ZNF658: variants seen among roughly 807,000 people sequenced by gnomAD.
The protein encoded by ZNF658 is zinc finger protein 658.
Under a neutral mutation model 78.0 loss-of-function variants are expected in ZNF658, and 46 were observed. The observed-to-expected ratio is 0.59, with a 90% CI of 0.47 to 0.75. ZNF658 has a LOEUF of 0.75. ZNF658 is among the 30% of genes least tolerant of loss of function. The pLI is 0.00. For missense variants in ZNF658, 785 were observed against 1,189.3 expected, an observed-to-expected ratio of 0.66 and a Z score of 5.00; for synonymous variants, 279 against 408.4, an observed-to-expected ratio of 0.68 and a Z score of 3.82.
rs1357232795 is a variant in ZNF658, at chr9:66,918,655, C to T, written c.1089C>T (p.Tyr363=). ...GEHNECTDAL[Y]QKLDFTAHQR... is the part of the protein sequence containing the mutation. ...ATAATGAATGTACAGATGCCCTCTA[C>T]CAGAAATTAGACTTTACAGCACATC... Residue 363 remains tyrosine (Y), a synonymous_variant, in exon 5 of 5, where the codon TAC becomes TAT. Transcript: ENST00000621410. 3 of 1,613,646 alleles carry T rather than the reference C, an allele frequency of 1.9e-6. No homozygotes were observed. Among genetic ancestry groups the T allele is most frequent in the Non-Finnish European group, 2.5e-6 (3 of 1,179,782 alleles).
At chr9:66,913,306 T>C (rs1822256778) in intron 4 of ZNF658, among the ~76,000 whole-genome samples, 1 of 151,826 alleles carries the variant, frequency 6.6e-6, no homozygotes. Flanking sequence ...GTGCCTGTAA[T>C]CCCAGGTACT....
intron 4 of ZNF658, among the ~76,000 whole-genome samples, chr9:66,917,304 G>C (rs1454499126): frequency 6.8e-6 from 1 of 146,926 alleles, no homozygotes; most frequent in Non-Finnish European, 1.5e-5. Context: ...CACCTTGACT[G>C]GCCCCGGAAA....
In ZNF658 at chr9:66,908,182, A is replaced by G. The variant is rs542258221; in HGVS notation, c.16-56A>G. ...TCAAAGATATTTTCTGTGTCACCCA[A>G]TTCTGAACCCTTGAACAAACCATTG... On this transcript the variant is annotated intron_variant, in intron 2 of 4. Coordinates refer to ENST00000621410, the MANE Select transcript of ZNF658 (RefSeq NM_033160.7). The G allele has an allele frequency of 4.3e-5, 69 of 1,612,946 alleles. No homozygotes were observed. In the East Asian group the frequency reaches 6.0e-4, roughly 14 times the overall value.
chr9:66,918,532 G>T lies in ZNF658; in HGVS notation c.966G>T (p.Trp322Cys). ...AATCTCAGAGAACTATTACAGGATG[G>T]AGTGCTTTTGAAAGCAATAAATGTG... Reference protein sequence around the residue: ...LTQSQRTITGWSAFESNKCEE... With the variant: ...LTQSQRTITGCSAFESNKCEE... The change falls in exon 5 of 5, where the codon TGG (tryptophan) becomes TGT (cysteine). Residue 322 changes from tryptophan (W) to cysteine (C), a missense_variant. Around this residue, in one of 12 missense-constraint regions of ZNF658, gnomAD observed 393 missense variants for 400.2 expected, o/e 0.98. Transcript: ENST00000621410. 1.2e-6 allele frequency: 2 copies of T among 1,606,198 alleles called. No homozygotes were observed. Among genetic ancestry groups the T allele is most frequent in the Non-Finnish European group, 1.7e-6 (2 of 1,173,956 alleles).
At chr9:66,922,281 C>T (rs547360339), downstream of ZNF658, among the ~76,000 whole-genome samples, 43 of 151,928 alleles carry the variant, frequency 2.8e-4, no homozygotes, top group African/African-American at 1.0e-3. Flanking sequence ...AGGGAATTCC[C>T]TGGCCCCTTC....
Position 66,918,250 on chromosome 9 carries a change from A to G in ZNF658, c.684A>G (p.Thr228=). The change falls in exon 5 of 5, where the codon ACA becomes ACG. Residue 228 remains threonine, a synonymous_variant. Transcript: ENST00000621410. ...CTGGACAAGGTTTATATGATAAGAC[A>G]ATTTGTATTACACCTCAGAGTTTTC... is the stretch of plus-strand genomic sequence containing the variant. ...DGSGQGLYDK[T]ICITPQSFLT... The G allele has an allele frequency of 6.2e-7, 1 of 1,607,314 alleles. No individual in the cohort carries two copies. Among genetic ancestry groups the G allele is most frequent in the East Asian group, 2.2e-5 (1 of 44,836 alleles).
chr9:66,905,077 T>TTTC (rs1554757402), intron 2 of ZNF658, among the ~76,000 whole-genome samples: 3 of 106,072 alleles, frequency 2.8e-5, no homozygotes, highest in South Asian at 3.3e-4. Flanking sequence ...TCTTTTTTTT[T>TTTC]TTTTTTTTTT....
At chr9:66,906,050 C>T (rs1344180959) in intron 2 of ZNF658, among the ~76,000 whole-genome samples, 1 of 138,670 alleles carries the variant, frequency 7.2e-6, no homozygotes, top group Non-Finnish European at 1.5e-5. Context: ...TGTCTAGTGA[C>T]TTTTTAATTG....
In ZNF658 at chr9:66,918,819, C is replaced by A. The variant is rs1245809274; in HGVS notation, c.1253C>A (p.Ala418Glu). 9.3e-6 allele frequency: 15 copies of A among 1,613,190 alleles called. No homozygotes were observed. Among genetic ancestry groups the A allele is most frequent in the Non-Finnish European group, 1.3e-5 (15 of 1,179,726 alleles). Residue 418 changes from alanine (A) to glutamate (E), a missense_variant, in exon 5 of 5, where the codon GCA (alanine) becomes GAA (glutamate). By Grantham distance (107) the Ala-to-Glu change is moderately radical. This residue lies in a region of ZNF658 where 393 missense variants were observed against 400.2 expected (regional missense o/e 0.98). Transcript: ENST00000621410. ...AAAACTTACCAATATGAGGAATGTGCAAAATCCTTTTGTTCAAGTTCACAT... is the reference window on the plus strand; with the variant it reads ...AAAACTTACCAATATGAGGAATGTGAAAAATCCTTTTGTTCAAGTTCACAT... ...GEKTYQYEEC[A>E]KSFCSSSHPI...
intron 4 of ZNF658, among the ~76,000 whole-genome samples, chr9:66,910,190 C>A (rs1298598887): frequency 6.6e-6 from 1 of 152,144 alleles, no homozygotes. Context: ...ACAAATAAGT[C>A]TATAACAATT....
At chr9:66,911,664 A>G (rs1822216617) in intron 4 of ZNF658, among the ~76,000 whole-genome samples, 1 of 110,346 alleles carries the variant, frequency 9.1e-6, no homozygotes, top group Non-Finnish European at 1.8e-5. Context: ...CACCTATATA[A>G]TAAATTCAAG....
At position 66,908,315 on chromosome 9, in the gene ZNF658, G is replaced by T. The variant is rs758494385; in HGVS notation, c.93G>T (p.Thr31=). 6.2e-6 allele frequency: 10 copies of T among 1,613,964 alleles called. No homozygotes were observed. The East Asian group carries it at 2.2e-4, about 36-fold the overall frequency. Residue 31 remains threonine (T), a synonymous_variant, in exon 3 of 5, where the codon ACG becomes ACT. Transcript: ENST00000621410. ...AGCACCTGGGCCCTGTCGAGAGGAC[G>T]CTGTACAGAGATGTGATGCTGGAGA... is the stretch of plus-strand genomic sequence containing the variant. ...EWQHLGPVER[T]LYRDVMLENY...
chr9:66,920,948 A>T lies in ZNF658; in HGVS notation c.*202A>T. ...ACATTTACCCTTGGCCCTTAAAAAAAAAAAAGAAAAACCCTCACAGTCTTC... is the reference window on the plus strand; with the variant it reads ...ACATTTACCCTTGGCCCTTAAAAAATAAAAAGAAAAACCCTCACAGTCTTC... On this transcript the variant is annotated 3_prime_UTR_variant, in exon 5 of 5. Coordinates refer to ENST00000621410, the MANE Select transcript of ZNF658 (RefSeq NM_033160.7). The T allele has an allele frequency of 1.5e-6, 1 of 659,886 alleles. No homozygotes were observed. Among genetic ancestry groups the T allele is most frequent in the Non-Finnish European group, 2.6e-6 (1 of 377,400 alleles). The allele number at this position is 659,886 out of a possible 1,614,324, so 40.9% of individuals were successfully genotyped here. A position where few individuals can be genotyped will look rare whatever the true frequency, so the allele number is the denominator to read the frequency against.
intron 4 of ZNF658, among the ~76,000 whole-genome samples, chr9:66,910,061 A>G (rs1266161996): frequency 6.6e-6 from 1 of 152,100 alleles, no homozygotes. Context: ...TATCAGTACT[A>G]CTGGATTAGG....
At chr9:66,917,618 T>G (rs1343402758) in intron 4 of ZNF658, among the ~76,000 whole-genome samples, 187 bp from the exon 5 acceptor site, 6 of 121,276 alleles carry the variant, frequency 4.9e-5, no homozygotes, top group African/African-American at 2.0e-4. Flanking sequence ...GAGGCTGAAG[T>G]GGGAGGATCA....
chr9:66,916,119 A>C lies in ZNF658; in HGVS notation c.239-1686A>C, dbSNP rs1364905495. On this transcript the variant is annotated intron_variant, in intron 4 of 4. Coordinates refer to ENST00000621410, the MANE Select transcript of ZNF658 (RefSeq NM_033160.7). The stretch of plus-strand genomic sequence containing the variant: ...TGGTCAGGCTGGTCTCAAACTCCTG[A>C]CCTTGTGATCCACACACCTCAGCCT... 1.1e-4 allele frequency among the ~76,000 whole-genome samples: 17 copies of C among 150,876 alleles called. No homozygotes were observed. The South Asian group carries it at 3.6e-3, about 32-fold the overall frequency.
intron 6 of ZNF658, among the ~76,000 whole-genome samples, chr9:66,929,462 C>T (rs558267056): frequency 0.014 from 1,981 of 145,766 alleles, 23 homozygotes; most frequent in South Asian, 0.025. Flanking sequence ...CTCTTAAGCA[C>T]TGAAGGATTC....
Sources: gnomAD v4.1 joint callset for allele counts (sites outside exome capture counted in the v4.1 genomes callset) on GRCh38, gnomAD v4.1.1 for gene constraint, gnomAD v4.1.1 regional missense constraint, MANE v1.5 for transcripts, NCBI Gene and HGNC (gene_info 2026-07-23, HGNC 2026-07-21) for gene names.